CPB1: variants seen among roughly 807,000 people sequenced by gnomAD.
The protein encoded by CPB1 is carboxypeptidase B1.
Under a neutral mutation model 51.4 loss-of-function variants are expected in CPB1, and 53 were observed. The observed-to-expected ratio is 1.03, with a 90% CI of 0.83 to 1.30. The LOEUF is 1.30. Ranked by LOEUF, CPB1 falls within the 50% of genes most tolerant of loss-of-function variation. The pLI is 0.00. For missense variants in CPB1, 494 were observed against 516.2 expected (o/e 0.96, Z 0.42); for synonymous variants, 189 against 186.9 (o/e 1.01, Z -0.09).
At chr3:148,853,083 G>A (rs1334141602) in intron 9 of CPB1, among the ~76,000 whole-genome samples, 1 of 152,190 alleles carries the variant, frequency 6.6e-6, no homozygotes. Context: ...GGAAACTGCA[G>A]TTAAGGATTA....
At chr3:148,850,283 T>A (rs1713384350) in intron 9 of CPB1, among the ~76,000 whole-genome samples, 1 of 151,858 alleles carries the variant, frequency 6.6e-6, no homozygotes, top group Non-Finnish European at 1.5e-5. Flanking sequence ...TAATTGAAGT[T>A]TTTTTTGTTT....
intron 9 of CPB1, among the ~76,000 whole-genome samples, chr3:148,848,983 T>G (rs1474342121): frequency 6.6e-6 from 1 of 152,216 alleles, no homozygotes; most frequent in Non-Finnish European, 1.5e-5. Context: ...AATGGCCTCA[T>G]AAACTGTCCA....
At position 148,827,890 on chromosome 3, in the gene CPB1, G is replaced by T. The variant is rs780957048; in HGVS notation, c.67G>T (p.Glu23Ter). The change falls in exon 1 of 11, where the codon GAA becomes TAA. Residue 23 changes from glutamate to a stop codon, truncating the protein, a stop_gained. Transcript: ENST00000282957. LOFTEE classifies it high-confidence loss of function. ...ASAHHGGEHF[E>*]GEKVFRVNVE... ...TGCTCATCATGGTGGTGAGCACTTT[G>T]AAGGGTAAGTAAGCCATCTTTAAGG... 42 of 1,614,032 alleles carry T rather than the reference G, an allele frequency of 2.6e-5. No individual in the cohort carries two copies. The highest frequency in any genetic ancestry group is 3.4e-5 in the Non-Finnish European group (40 of 1,180,026).
At chr3:148,829,029 T>C (rs960830223) in intron 2 of CPB1, among the ~76,000 whole-genome samples, 2 of 152,240 alleles carry the variant, frequency 1.3e-5, no homozygotes. Context: ...GAATAGTTTG[T>C]ATACTACTTT....
Position 148,846,815 on chromosome 3 carries a change from A to G in CPB1, c.981+1189A>G, listed in dbSNP as rs373224620. 6.8e-3 allele frequency among the ~76,000 whole-genome samples: 687 copies of G among 100,604 alleles called. 37 individuals are homozygous for G. The highest frequency in any genetic ancestry group is 8.8e-3 in the Non-Finnish European group (442 of 50,042). 66.0% of individuals were successfully genotyped at this position (100,604 alleles called of 152,430 possible). Reference sequence around the variant, plus strand: ...TGCGTGTGTATATATATATATATATATATATATATATATATATATATATAT... The same window carrying G: ...TGCGTGTGTATATATATATATATATGTATATATATATATATATATATATAT... On this transcript the variant is annotated intron_variant, in intron 9 of 10. Transcript: ENST00000282957.
intron 3 of CPB1, among the ~76,000 whole-genome samples, chr3:148,840,044 T>C (rs1431219729): frequency 6.6e-6 from 1 of 152,204 alleles, no homozygotes; most frequent in Non-Finnish European, 1.5e-5. Flanking sequence ...TTACCACTTT[T>C]CATATTACCT....
At position 148,840,670 on chromosome 3, in the gene CPB1, C is replaced by T. The variant is rs1713048155; in HGVS notation, c.273-16C>T. ...ACACTTATGTTCATAGGAACACCCACTTTGGTTCGTTGCAGGGTACTGATA... is the reference window on the plus strand; with the variant it reads ...ACACTTATGTTCATAGGAACACCCATTTTGGTTCGTTGCAGGGTACTGATA... On this transcript the variant is annotated splice_polypyrimidine_tract_variant and intron_variant, in intron 3 of 10. Transcript: ENST00000282957. The T allele has an allele frequency of 6.2e-7, 1 of 1,612,586 alleles. No homozygotes were observed. Among genetic ancestry groups the T allele is most frequent in the South Asian group, 1.1e-5 (1 of 91,044 alleles).
chr3:148,828,160 G>GA (rs1479359945), intron 2 of CPB1, 83 bp downstream of exon 2: 1 of 1,101,002 alleles, frequency 9.1e-7, no homozygotes, highest in East Asian at 2.4e-5. Context: ...AAAAAAACAT[G>GA]AAATATTAAC....
rs758577618 is a variant in CPB1 at position 148,828,056 on chromosome 3, C to T, written c.126C>T (p.Arg42=). 8 of 1,613,732 alleles carry T rather than the reference C, an allele frequency of 5.0e-6. No individual in the cohort carries two copies. Among genetic ancestry groups the T allele is most frequent in the Non-Finnish European group, 6.8e-6 (8 of 1,179,864 alleles). The change falls in exon 2 of 11, where the codon CGC becomes CGT. Residue 42 remains arginine, a synonymous_variant. Transcript: ENST00000282957. ...VEDENHINII[R]ELASTTQIDF... is the part of the protein sequence containing the mutation. Reference sequence around the variant, plus strand: ...ATGAAAATCACATTAACATAATCCGCGAGTTGGCCAGCACGACCCAGGTAA... The same window carrying T: ...ATGAAAATCACATTAACATAATCCGTGAGTTGGCCAGCACGACCCAGGTAA...
chr3:148,843,892 T>C (rs760495139), intron 6 of CPB1, among the ~76,000 whole-genome samples: 1 of 152,144 alleles, frequency 6.6e-6, no homozygotes, highest in Non-Finnish European at 1.5e-5. Context: ...CTCCCATCAC[T>C]ATGCAGCTTG....
intron 10 of CPB1, 70 bp downstream of exon 10, chr3:148,857,611 T>C: frequency 1.7e-6 from 2 of 1,157,964 alleles, no homozygotes; most frequent in Non-Finnish European, 2.5e-6. Context: ...TCCTGGGGCC[T>C]TTCTTTTCTG....
intron 9 of CPB1, chr3:148,855,306 CT>C (rs1713542329): frequency 6.6e-6 from 1 of 152,046 alleles, no homozygotes. Context: ...AAATAACAAC[CT>C]TTTTAAGCTC....
chr3:148,844,585 C>G lies in CPB1; in HGVS notation c.684C>G (p.Thr228=). ...LNIDGYIYTW[T]KSRFWRKTRS... Reference sequence around the variant, plus strand: ...TTGATGGCTACATCTACACCTGGACCAAGGTATATGCACCAATACTGAGAG... The same window carrying G: ...TTGATGGCTACATCTACACCTGGACGAAGGTATATGCACCAATACTGAGAG... Residue 228 remains threonine, a synonymous_variant, in exon 7 of 11, where the codon ACC becomes ACG. Transcript: ENST00000282957. 6.2e-7 allele frequency: 1 copy of G among 1,613,020 alleles called. No individual in the cohort carries two copies. Among genetic ancestry groups the G allele is most frequent in the Non-Finnish European group, 8.5e-7 (1 of 1,179,056 alleles).
At chr3:148,852,176 C>G (rs552179258) in intron 9 of CPB1, among the ~76,000 whole-genome samples, 35 of 152,208 alleles carry the variant, frequency 2.3e-4, no homozygotes, top group African/African-American at 7.0e-4. Flanking sequence ...TCTCATAGCA[C>G]CTTTAAAATC....
At chr3:148,848,103 T>C (rs1713310093) in intron 9 of CPB1, among the ~76,000 whole-genome samples, 1 of 152,148 alleles carries the variant, frequency 6.6e-6, no homozygotes, top group South Asian at 2.1e-4. Context: ...AACTTTTTCT[T>C]ATATTGTAGA....
intron 9 of CPB1, among the ~76,000 whole-genome samples, chr3:148,846,233 C>A (rs997943294): frequency 1.3e-5 from 2 of 152,036 alleles, no homozygotes; most frequent in Non-Finnish European, 2.9e-5. Context: ...AAAAAGCTAG[C>A]AATCTTATTG....
intron 3 of CPB1, among the ~76,000 whole-genome samples, chr3:148,837,213 G>A (rs1712930284): frequency 1.3e-5 from 2 of 152,168 alleles, no homozygotes; most frequent in Admixed American, 6.5e-5. Flanking sequence ...TGCCCTACTT[G>A]ATTCAGGGAG....
chr3:148,845,209 T>C (rs1486731733), intron 8 of CPB1, among the ~76,000 whole-genome samples: 3 of 152,212 alleles, frequency 2.0e-5, no homozygotes, highest in Non-Finnish European at 4.4e-5. Flanking sequence ...GGTGATTCCA[T>C]ATGCAACTTC....
intron 3 of CPB1, among the ~76,000 whole-genome samples, chr3:148,839,928 T>TCACACACACATACACACA (rs1559958052): frequency 6.6e-6 from 1 of 151,112 alleles, no homozygotes; most frequent in African/African-American, 2.4e-5. Context: ...GGAAGTGAAG[T>TCACACACACATACACACA]CACACACACA....
Sources: allele counts gnomAD v4.1 joint callset (sites outside exome capture counted in the v4.1 genomes callset), GRCh38; gene constraint gnomAD v4.1.1; transcripts MANE v1.5; gene names NCBI Gene and HGNC (gene_info 2026-07-23, HGNC 2026-07-21).